ETS1: variants seen among roughly 807,000 people sequenced by gnomAD.
ETS1 encodes the protein protein C-ets-1.
ETS1 carries 15 observed loss-of-function variants against 58.6 expected under a neutral mutation model. That is an observed-to-expected ratio of 0.26 (90% CI 0.17 to 0.39). The LOEUF (loss-of-function observed/expected upper bound fraction) is 0.39, where lower values mean the gene tolerates loss of function less well. Among genes scored for constraint, ETS1 ranks in the 10% least tolerant of loss-of-function variants. The pLI is 1.00. For missense variants in ETS1, 417 were observed against 610.5 expected, an observed-to-expected ratio of 0.68 and a Z score of 3.34; for synonymous variants, 214 against 218.2, an observed-to-expected ratio of 0.98 and a Z score of 0.17.
chr11:128,513,182 T>C (rs7129690), intron 3 of ETS1, among the ~76,000 whole-genome samples: 24,343 of 152,232 alleles, frequency 0.16, 2,124 homozygotes, highest in Middle Eastern at 0.27. Context: ...AATGATTAAG[T>C]TGTTATTAAC....
intron 1 of ETS1, among the ~76,000 whole-genome samples, chr11:128,583,775 A>C (rs1331133375): frequency 6.6e-6 from 1 of 152,094 alleles, no homozygotes; most frequent in Non-Finnish European, 1.5e-5. Context: ...TTTGCACTAA[A>C]TGTTTGTTGC....
intron 2 of ETS1, among the ~76,000 whole-genome samples, chr11:128,562,237 C>T (rs964127891): frequency 8.5e-5 from 13 of 152,062 alleles, no homozygotes; most frequent in African/African-American, 2.9e-4. Flanking sequence ...GTTGAAACCC[C>T]GGCTCTATTA....
chr11:128,472,844 T>C (rs1320257488), intron 8 of ETS1, among the ~76,000 whole-genome samples: 1 of 152,230 alleles, frequency 6.6e-6, no homozygotes, highest in African/African-American at 2.4e-5. Context: ...TTCTCTTCGC[T>C]GCCTTTTTTT....
chr11:128,465,394 C>T (rs1049147418), intron 8 of ETS1, among the ~76,000 whole-genome samples: 3 of 152,160 alleles, frequency 2.0e-5, no homozygotes, highest in Non-Finnish European at 4.4e-5. Flanking sequence ...CAATAAAAAC[C>T]GTTTCGTATT....
intron 1 of ETS1, among the ~76,000 whole-genome samples, chr11:128,584,107 A>G (rs993158660): frequency 6.6e-6 from 1 of 152,234 alleles, no homozygotes; most frequent in Non-Finnish European, 1.5e-5. Context: ...AAGGCTGGGC[A>G]TGGAGTAGAA....
At chr11:128,497,644 A>C (rs979906785) in intron 3 of ETS1, 9 of 960,490 alleles carry the variant, frequency 9.4e-6, no homozygotes, top group Non-Finnish European at 1.1e-5. Flanking sequence ...AAATGAAAGC[A>C]GTTGTAATTC....
intron 2 of ETS1, among the ~76,000 whole-genome samples, chr11:128,568,410 A>G (rs1343524131): frequency 6.6e-6 from 1 of 152,222 alleles, no homozygotes; most frequent in African/African-American, 2.4e-5. Context: ...CCAGGCTCAC[A>G]GCGGGCTTGG....
At chr11:128,558,446 A>C (rs2135559827) in intron 2 of ETS1, among the ~76,000 whole-genome samples, 2 of 152,266 alleles carry the variant, frequency 1.3e-5, no homozygotes, top group Middle Eastern at 6.8e-3. Flanking sequence ...GGAGTTCGAG[A>C]CCAGCCTGGA....
At chr11:128,566,554 T>G (rs558816130) in intron 2 of ETS1, among the ~76,000 whole-genome samples, 6 of 151,958 alleles carry the variant, frequency 3.9e-5, no homozygotes, top group East Asian at 1.9e-4. Flanking sequence ...GAGGCTAAGG[T>G]GGGCAGATCA....
At chr11:128,520,163 G>C (rs1481095927) in intron 3 of ETS1, among the ~76,000 whole-genome samples, 2 of 152,190 alleles carry the variant, frequency 1.3e-5, no homozygotes, top group Non-Finnish European at 2.9e-5. Flanking sequence ...GCTAAAGAAA[G>C]TTACTTGCCC....
chr11:128,585,981 C>A (rs1286157583), intron 1 of ETS1, among the ~76,000 whole-genome samples: 1 of 152,164 alleles, frequency 6.6e-6, no homozygotes, highest in Non-Finnish European at 1.5e-5. Flanking sequence ...AAGGATCCCA[C>A]CCCTCTACCA....
rs1402354114 is a variant in ETS1 at position 128,459,194 on chromosome 11, TATATATTTTATATATGTATATGTATAC to T, written c.*3140_*3166del. 2.0e-5 allele frequency: 3 copies of T among 149,948 alleles called. No individual in the cohort carries two copies. Among genetic ancestry groups the T allele is most frequent in the East Asian group, 1.9e-4 (1 of 5,172 alleles). The allele number at this position is 149,948 out of a possible 1,614,324, so 9.3% of individuals were successfully genotyped here. ...TATTCCTGATAATTTTATTTTAATA[TATATATTTTATATATGTATATGTATAC>T]ATATATTTATGGTTCCTTGAAACTT... On this transcript the variant is annotated 3_prime_UTR_variant, in exon 10 of 10. Coordinates refer to ENST00000392668, the MANE Select transcript of ETS1 (RefSeq NM_001143820.2).
At chr11:128,466,897 C>T (rs748208478) in intron 8 of ETS1, among the ~76,000 whole-genome samples, 2 of 152,100 alleles carry the variant, frequency 1.3e-5, no homozygotes, top group Admixed American at 6.5e-5. Context: ...GGACAGTCAA[C>T]ATAACAGAGA....
chr11:128,507,267 GGGAGAGGGAA>G lies in ETS1; in HGVS notation c.215-16701_215-16692del, dbSNP rs1863265906. ...GTAAATAAAGGCAGGGACGGAGGGA[GGGAGAGGGAA>G]GGAGAGGGAGCGGAGTGGGCAGACA... On this transcript the variant is annotated intron_variant, in intron 3 of 9. Coordinates refer to ENST00000392668, the MANE Select transcript of ETS1 (RefSeq NM_001143820.2). Among the ~76,000 whole-genome samples the G allele has an allele frequency of 2.0e-5, 3 of 152,218 alleles. No individual in the cohort carries two copies. The South Asian group carries it at 6.2e-4, about 31-fold the overall frequency.
intron 3 of ETS1, among the ~76,000 whole-genome samples, chr11:128,519,695 T>G (rs890130170): frequency 6.6e-6 from 1 of 152,214 alleles, no homozygotes; most frequent in Non-Finnish European, 1.5e-5. Context: ...GAAGGTATCT[T>G]GCAACATTAC....
Position 128,460,621 on chromosome 11 carries a change from CT to C in ETS1, c.*1739del, listed in dbSNP as rs1448699793. The stretch of plus-strand genomic sequence containing the variant: ...AGGGAGATTCTAATTGTATTAGGCA[CT>C]TTTCCTCACTAGTTAGATGTTGACT... On this transcript the variant is annotated 3_prime_UTR_variant, in exon 10 of 10. Transcript: ENST00000392668. 1 of 152,322 alleles carries C rather than the reference CT, an allele frequency of 6.6e-6. No individual in the cohort carries two copies. Among genetic ancestry groups the C allele is most frequent in the Non-Finnish European group, 1.5e-5 (1 of 68,036 alleles). 9.4% of individuals were successfully genotyped at this position (152,322 alleles called of 1,614,324 possible). A position where few individuals can be genotyped will look rare whatever the true frequency, so the allele number is the denominator to read the frequency against.
chr11:128,551,141 C>T (rs1864221936), intron 3 of ETS1, among the ~76,000 whole-genome samples: 1 of 152,188 alleles, frequency 6.6e-6, no homozygotes, highest in Admixed American at 6.5e-5. Context: ...GAGAGGGGTG[C>T]AGCAGATGAT....
chr11:128,560,209 A>G (rs932420008), intron 2 of ETS1, among the ~76,000 whole-genome samples: 1 of 151,894 alleles, frequency 6.6e-6, no homozygotes. Flanking sequence ...GCCTCCTGGC[A>G]TCAAGTGATT....
intron 1 of ETS1, among the ~76,000 whole-genome samples, chr11:128,579,072 T>C (rs1864809970): frequency 6.6e-6 from 1 of 152,328 alleles, no homozygotes; most frequent in Non-Finnish European, 1.5e-5. Flanking sequence ...AGGCATCATG[T>C]TTTAAATTTC....
Sources: allele counts gnomAD v4.1 joint callset (sites outside exome capture counted in the v4.1 genomes callset), GRCh38; gene constraint gnomAD v4.1.1; transcripts MANE v1.5; gene names NCBI Gene and HGNC (gene_info 2026-07-23, HGNC 2026-07-21).